RPRD2: variants seen among roughly 807,000 people sequenced by gnomAD.
RPRD2 encodes the protein regulation of nuclear pre-mRNA domain-containing protein 2.
A neutral mutation model predicts 104.4 loss-of-function variants in RPRD2; 12 were observed. The ratio of observed to expected loss-of-function variants is 0.11; its 90% CI spans 0.07 to 0.19. The LOEUF (loss-of-function observed/expected upper bound fraction) is 0.19, where lower values mean the gene tolerates loss of function less well. Among genes scored for constraint, RPRD2 ranks in the 10% least tolerant of loss-of-function variants. The pLI is 1.00. For synonymous variants in RPRD2, 714 were observed against 684.9 expected (o/e 1.04, Z -0.66); for missense variants, 1,543 against 1,790.1 (o/e 0.86, Z 2.49).
At chr1:150,444,116 T>C (rs1357240902) in intron 5 of RPRD2, 135 bp from the exon 6 acceptor site, 1 of 819,684 alleles carries the variant, frequency 1.2e-6, no homozygotes, top group Non-Finnish European at 1.8e-6. Flanking sequence ...GAAAAGTTTT[T>C]TTCCTCCCAG....
In RPRD2 at chr1:150,383,393, C is replaced by A. The variant is rs587619543; in HGVS notation, c.205+18474C>A. Among the ~76,000 whole-genome samples, 3 of 149,080 alleles carry A rather than the reference C, an allele frequency of 2.0e-5. No individual in the cohort carries two copies. The East Asian group carries it at 5.9e-4, about 30-fold the overall frequency. On this transcript the variant is annotated intron_variant, in intron 1 of 10. Coordinates refer to ENST00000369068, the MANE Select transcript of RPRD2 (RefSeq NM_015203.5). ...GCAGTGGCGCAATCTTGGCTCACTG[C>A]AACCTCCACCTCTCAGGTTCAAGCG...
At chr1:150,365,915 A>G (rs1659810521) in intron 1 of RPRD2, among the ~76,000 whole-genome samples, 1 of 152,122 alleles carries the variant, frequency 6.6e-6, no homozygotes, top group South Asian at 2.1e-4. Flanking sequence ...ATTACCTGAA[A>G]TACCTTTTTA....
chr1:150,476,035 G>A lies in RPRD2; in HGVS notation c.*2701G>A, dbSNP rs2102458120. Reference sequence around the variant, plus strand: ...GTACCACTTAAAGTTCAGTGATACAGTTCAGAAATAGGGTCCTTAAGTATT... The same window carrying A: ...GTACCACTTAAAGTTCAGTGATACAATTCAGAAATAGGGTCCTTAAGTATT... On this transcript the variant is annotated 3_prime_UTR_variant, in exon 11 of 11. Transcript: ENST00000369068. The A allele has an allele frequency of 6.6e-6, 1 of 152,270 alleles. No homozygotes were observed. The highest frequency in any genetic ancestry group is 1.9e-4 in the East Asian group (1 of 5,186). The allele number at this position is 152,270 out of a possible 1,614,324, so 9.4% of individuals were successfully genotyped here. A position where few individuals can be genotyped will look rare whatever the true frequency, so the allele number is the denominator to read the frequency against.
chr1:150,406,161 GTGCTTGATTAAC>G (rs782630377), intron 1 of RPRD2, among the ~76,000 whole-genome samples: 1 of 152,140 alleles, frequency 6.6e-6, no homozygotes, highest in Non-Finnish European at 1.5e-5. Context: ...TATGGCCACG[GTGCTTGATTAAC>G]TGCTTGGTTA....
At chr1:150,365,880 C>T in intron 1 of RPRD2, among the ~76,000 whole-genome samples, 1 of 152,200 alleles carries the variant, frequency 6.6e-6, no homozygotes, top group African/African-American at 2.4e-5. Flanking sequence ...CGTGAGCCCC[C>T]CGTGCCCGGC....
At chr1:150,405,978 A>C (rs1426732335) in intron 1 of RPRD2, among the ~76,000 whole-genome samples, 1 of 152,232 alleles carries the variant, frequency 6.6e-6, no homozygotes, top group Non-Finnish European at 1.5e-5. Context: ...TGCCAAAGAA[A>C]AGCCGTTAAG....
chr1:150,389,349 G>A (rs1314821293), intron 1 of RPRD2, among the ~76,000 whole-genome samples: 1 of 152,104 alleles, frequency 6.6e-6, no homozygotes, highest in Non-Finnish European at 1.5e-5. Flanking sequence ...TGTGTCCACA[G>A]TTTTCTTTTA....
chr1:150,382,163 A>G (rs587683126), intron 1 of RPRD2, among the ~76,000 whole-genome samples: 75 of 152,244 alleles, frequency 4.9e-4, no homozygotes, highest in African/African-American at 1.7e-3. Context: ...TGCGTACTCT[A>G]TGTGAAATGT....
rs587716960 is a variant in RPRD2 at position 150,454,490 on chromosome 1, A to C, written c.871-2798A>C. Among the ~76,000 whole-genome samples the C allele has an allele frequency of 2.0e-5, 3 of 152,272 alleles. No individual in the cohort carries two copies. The East Asian group carries it at 5.8e-4, about 29-fold the overall frequency. ...TTCTTGATGGGAGCATTAGTCTACT[A>C]TAAGCTACTGAGTTATATCAAAAGC... On this transcript the variant is annotated intron_variant, in intron 7 of 10. Transcript: ENST00000369068.
At chr1:150,406,250 C>T (rs587737006) in intron 1 of RPRD2, among the ~76,000 whole-genome samples, 2 of 152,282 alleles carry the variant, frequency 1.3e-5, no homozygotes, top group South Asian at 4.1e-4. Flanking sequence ...TGACAGCAGT[C>T]AGGTTCTGTA....
intron 1 of RPRD2, among the ~76,000 whole-genome samples, chr1:150,369,623 A>ATTTTTTTTTTTTTTTTTTTTTTTTTT (rs61016870): frequency 4.4e-5 from 3 of 68,870 alleles, no homozygotes; most frequent in Non-Finnish European, 6.0e-5. Flanking sequence ...CGCCCAGCTA[A>ATTTTTTTTTTTTTTTTTTTTTTTTTT]TTTTTTTTTT....
At chr1:150,468,899 TTAG>T (rs2102438398) in intron 10 of RPRD2, among the ~76,000 whole-genome samples, 1 of 151,648 alleles carries the variant, frequency 6.6e-6, no homozygotes, top group East Asian at 1.9e-4. Context: ...AAGGAAACTA[TTAG>T]TAGGGATGAA....
intron 6 of RPRD2, among the ~76,000 whole-genome samples, chr1:150,445,188 T>A (rs1460068664): frequency 2.6e-5 from 4 of 151,966 alleles, no homozygotes. Context: ...TAAAGAAAAA[T>A]TTTTTAAAAA....
At chr1:150,465,103 C>A (rs1553899647) in intron 10 of RPRD2, among the ~76,000 whole-genome samples, 1 of 151,070 alleles carries the variant, frequency 6.6e-6, no homozygotes, top group Admixed American at 6.6e-5. Flanking sequence ...TCCTGGCCTC[C>A]CAAAGTGCTG....
chr1:150,457,703 C>G, intron 8 of RPRD2, 133 bp downstream of exon 8: 1 of 790,398 alleles, frequency 1.3e-6, no homozygotes, highest in Non-Finnish European at 2.1e-6. Flanking sequence ...GCATTATAAT[C>G]TCTAGAGCAG....
intron 1 of RPRD2, among the ~76,000 whole-genome samples, chr1:150,381,364 CT>C (rs1384797407): frequency 6.6e-6 from 1 of 151,968 alleles, no homozygotes; most frequent in Non-Finnish European, 1.5e-5. Flanking sequence ...TGAGGCTACA[CT>C]GAATTGTGAT....
intron 1 of RPRD2, among the ~76,000 whole-genome samples, chr1:150,398,259 C>T (rs376997355): frequency 3.3e-4 from 49 of 150,094 alleles, no homozygotes; most frequent in African/African-American, 8.6e-4. Flanking sequence ...TGCAGTGGCG[C>T]GATCTCGGCT....
At position 150,414,627 on chromosome 1, in the gene RPRD2, A is replaced by G. The variant is rs985866265; in HGVS notation, c.206-2969A>G. Among the ~76,000 whole-genome samples the G allele has an allele frequency of 3.3e-5, 5 of 151,762 alleles. No individual in the cohort carries two copies. The South Asian group carries it at 1.0e-3, about 32-fold the overall frequency. On this transcript the variant is annotated intron_variant, in intron 1 of 10. Coordinates refer to ENST00000369068, the MANE Select transcript of RPRD2 (RefSeq NM_015203.5). ...GCCAAAGGAGAAAGTACTGTGACAG[A>G]TTATTCTGCGCGCCAAAGCTATAAA...
In RPRD2 at chr1:150,473,277, T is replaced by C; in HGVS notation, c.4329T>C (p.Phe1443=). ...GTTTAAAGAGACCCAGGCCACCTTT[T>C]GCTAGGGGCCCTCCGTTCTTTGCAC... The part of the protein sequence containing the change: ...FHSLKRPRPP[F]ARGPPFFAPK... Residue 1443 remains phenylalanine, a synonymous_variant, in exon 11 of 11, where the codon TTT becomes TTC. Transcript: ENST00000369068. 2 of 1,613,914 alleles carry C rather than the reference T, an allele frequency of 1.2e-6. No individual in the cohort carries two copies. The highest frequency in any genetic ancestry group is 1.7e-6 in the Non-Finnish European group (2 of 1,179,840).
Sources: gnomAD v4.1 joint callset for allele counts (sites outside exome capture counted in the v4.1 genomes callset) on GRCh38, gnomAD v4.1.1 for gene constraint, MANE v1.5 for transcripts, NCBI Gene and HGNC (gene_info 2026-07-23, HGNC 2026-07-21) for gene names.